EGLN1: variants seen among roughly 807,000 people sequenced by gnomAD.
EGLN1 encodes the protein egl nine homolog 1.
In EGLN1, 17 loss-of-function variants were observed where a neutral mutation model predicts 38.3. The ratio of observed to expected loss-of-function variants is 0.44; its 90% CI spans 0.30 to 0.67. The LOEUF (loss-of-function observed/expected upper bound fraction) is 0.67, where lower values mean the gene tolerates loss of function less well. Among genes scored for constraint, EGLN1 ranks in the 30% least tolerant of loss-of-function variants. EGLN1 has a pLI of 0.08. For synonymous variants in EGLN1, 283 were observed against 257.5 expected (o/e 1.10, Z -0.95); for missense variants, 477 against 603.3 (o/e 0.79, Z 2.19).
At position 231,367,763 on chromosome 1, in the gene EGLN1, A is replaced by G. The variant is rs1572014858; in HGVS notation, c.1149-127T>C. On this transcript the variant is annotated intron_variant, in intron 3 of 4. Transcript: ENST00000366641. ...CTAAACTGGAATGATATCAAAGGAT[A>G]AATTTAACAGCTTATTTATACAGTA... 6 of 794,988 alleles carry G rather than the reference A, an allele frequency of 7.5e-6. No homozygotes were observed. The East Asian group carries it at 1.6e-4, about 21-fold the overall frequency. The allele number at this position is 794,988 out of a possible 1,614,324, so 49.2% of individuals were successfully genotyped here.
At chr1:231,376,476 A>G (rs912090152) in intron 1 of EGLN1, among the ~76,000 whole-genome samples, 5 of 152,114 alleles carry the variant, frequency 3.3e-5, no homozygotes, top group Admixed American at 2.6e-4. Flanking sequence ...TAATTGTCCT[A>G]TTTTACTGTT....
intron 4 of EGLN1, among the ~76,000 whole-genome samples, chr1:231,367,184 T>C (rs1687672015): frequency 6.6e-6 from 1 of 152,228 alleles, no homozygotes; most frequent in Admixed American, 6.5e-5. Flanking sequence ...ATGGAAGACC[T>C]AGAGTACTGT....
intron 1 of EGLN1, among the ~76,000 whole-genome samples, chr1:231,397,728 TAATA>T (rs1688565955): frequency 6.6e-6 from 1 of 152,168 alleles, no homozygotes; most frequent in Non-Finnish European, 1.5e-5. Context: ...ATATTTAACT[TAATA>T]AATTAGAATG....
chr1:231,409,256 A>G (rs1046434225), intron 1 of EGLN1, among the ~76,000 whole-genome samples: 29 of 142,444 alleles, frequency 2.0e-4, no homozygotes, highest in African/African-American at 7.3e-4. Context: ...AAAAAAAAAA[A>G]CAAAAAAAAA....
Position 231,379,581 on chromosome 1 carries a change from G to A in EGLN1, c.892-5482C>T, listed in dbSNP as rs184194789. ...GGCCTATCCTGGGAGCTCAAAGCAC[G>A]AGATGGGAGCCAGCCTTGGGCAGGA... On this transcript the variant is annotated intron_variant, in intron 1 of 4. Coordinates refer to ENST00000366641, the MANE Select transcript of EGLN1 (RefSeq NM_022051.3). 5.9e-5 allele frequency among the ~76,000 whole-genome samples: 9 copies of A among 152,320 alleles called. No homozygotes were observed. In the East Asian group the frequency reaches 1.5e-3, roughly 26 times the overall value.
At position 231,413,233 on chromosome 1, in the gene EGLN1, G is replaced by A. The variant is rs527751957; in HGVS notation, c.891+7765C>T. Among the ~76,000 whole-genome samples, 511 of 151,918 alleles carry A rather than the reference G, an allele frequency of 3.4e-3. 4 individuals are homozygous for A. Among genetic ancestry groups the A allele is most frequent in the African/African-American group, 0.012 (479 of 41,426 alleles). On this transcript the variant is annotated intron_variant, in intron 1 of 4. Coordinates refer to ENST00000366641, the MANE Select transcript of EGLN1 (RefSeq NM_022051.3). ...TGGGACTACAGGCGGATGTCATCAC[G>A]CCTGGCTAATTTTTGTATTTTTAGT...
At position 231,365,995 on chromosome 1, in the gene EGLN1, T is replaced by C. The variant is rs560150547; in HGVS notation, c.*416A>G. On this transcript the variant is annotated 3_prime_UTR_variant, in exon 5 of 5. Transcript: ENST00000366641. ...TATTTTGAGGAATAATACTGTAATT[T>C]TTTCTCAATTCAGTTTAGATAAATT... 1.6e-3 allele frequency: 296 copies of C among 185,468 alleles called. 3 individuals are homozygous for C. Among genetic ancestry groups the C allele is most frequent in the African/African-American group, 6.8e-3 (285 of 42,208 alleles). 11.5% of individuals were successfully genotyped at this position (185,468 alleles called of 1,614,324 possible).
At chr1:231,402,551 C>T (rs529040260) in intron 1 of EGLN1, among the ~76,000 whole-genome samples, 1 of 151,892 alleles carries the variant, frequency 6.6e-6, no homozygotes, top group South Asian at 2.1e-4. Context: ...TCTCCTGCTT[C>T]ACCCTCCCGA....
At position 231,366,175 on chromosome 1, in the gene EGLN1, T is replaced by G. The variant is rs1236509162; in HGVS notation, c.*236A>C. ...TCATATCCAGATGTAAAAACCATTT[T>G]CAATTAGTAGCTTATCTTCCTCCTG... On this transcript the variant is annotated 3_prime_UTR_variant, in exon 5 of 5. Coordinates refer to ENST00000366641, the MANE Select transcript of EGLN1 (RefSeq NM_022051.3). 17 of 562,504 alleles carry G rather than the reference T, an allele frequency of 3.0e-5. No homozygotes were observed. The Admixed American group carries it at 3.8e-4, about 13-fold the overall frequency. 34.8% of individuals were successfully genotyped at this position (562,504 alleles called of 1,614,324 possible).
At chr1:231,416,749 C>A (rs1572794) in intron 1 of EGLN1, among the ~76,000 whole-genome samples, 7 of 152,064 alleles carry the variant, frequency 4.6e-5, no homozygotes, top group Non-Finnish European at 8.8e-5. Context: ...CAACTCACTA[C>A]ACAAAATGTT....
intron 1 of EGLN1, among the ~76,000 whole-genome samples, chr1:231,376,524 T>C (rs1687961833): frequency 6.6e-6 from 1 of 152,168 alleles, no homozygotes; most frequent in East Asian, 1.9e-4. Flanking sequence ...AGCTTTATTA[T>C]AGGTATGTAT....
At chr1:231,399,821 G>A (rs943228034) in intron 1 of EGLN1, among the ~76,000 whole-genome samples, 1 of 152,078 alleles carries the variant, frequency 6.6e-6, no homozygotes, top group African/African-American at 2.4e-5. Context: ...TATATACCAC[G>A]CTACCTGTGG....
chr1:231,400,774 G>C (rs894784764), intron 1 of EGLN1, among the ~76,000 whole-genome samples: 7 of 152,184 alleles, frequency 4.6e-5, no homozygotes, highest in African/African-American at 1.7e-4. Flanking sequence ...GAGAGGCCAT[G>C]TCTGGTGGCT....
intron 1 of EGLN1, among the ~76,000 whole-genome samples, chr1:231,415,360 G>A (rs372103572): frequency 6.6e-6 from 1 of 151,632 alleles, no homozygotes; most frequent in Non-Finnish European, 1.5e-5. Context: ...CTAAATCAAA[G>A]GTCTGTTGAT....
chr1:231,416,615 C>G (rs1689089900), intron 1 of EGLN1, among the ~76,000 whole-genome samples: 1 of 152,064 alleles, frequency 6.6e-6, no homozygotes, highest in African/African-American at 2.4e-5. Context: ...ATCCTCCTGC[C>G]TCAGCCCCTC....
chr1:231,411,544 T>C (rs967347852), intron 1 of EGLN1, among the ~76,000 whole-genome samples: 1 of 152,188 alleles, frequency 6.6e-6, no homozygotes, highest in Non-Finnish European at 1.5e-5. Flanking sequence ...TTAAACTGAA[T>C]TGAGATGAGA....
At chr1:231,408,975 A>C (rs1377526283) in intron 1 of EGLN1, among the ~76,000 whole-genome samples, 2 of 152,104 alleles carry the variant, frequency 1.3e-5, no homozygotes, top group African/African-American at 4.8e-5. Flanking sequence ...TCTTTATAAA[A>C]AAGTAGCAAT....
chr1:231,374,407 C>A (rs1447458785), intron 1 of EGLN1, among the ~76,000 whole-genome samples: 1 of 152,188 alleles, frequency 6.6e-6, no homozygotes, highest in Non-Finnish European at 1.5e-5. Context: ...TTTTGTCCTG[C>A]TCCATGGGAG....
intron 1 of EGLN1, 94 bp from the exon 2 acceptor site, chr1:231,374,193 T>A: frequency 9.1e-7 from 1 of 1,098,096 alleles, no homozygotes; most frequent in Non-Finnish European, 1.4e-6. Context: ...GGCTACTGAT[T>A]TACACTTAGA....
Sources: gnomAD v4.1 joint callset for allele counts (sites outside exome capture counted in the v4.1 genomes callset) on GRCh38, gnomAD v4.1.1 for gene constraint, MANE v1.5 for transcripts, NCBI Gene and HGNC (gene_info 2026-07-23, HGNC 2026-07-21) for gene names.